The following ST6GALNAC1 variants were observed in gnomAD, a reference collection of about 807,000 sequenced individuals.
The protein encoded by ST6GALNAC1 is alpha-N-acetylgalactosaminide alpha-2,6-sialyltransferase 1.
In ST6GALNAC1, 45 loss-of-function variants were observed where a neutral mutation model predicts 56.8. The ratio of observed to expected loss-of-function variants is 0.79; its 90% confidence interval spans 0.62 to 1.02. The LOEUF (loss-of-function observed/expected upper bound fraction) is 1.02. ST6GALNAC1 is among the 50% of genes least tolerant of loss of function. ST6GALNAC1 has a pLI of 0.00. For synonymous variants in ST6GALNAC1, 295 were observed against 297.8 expected (o/e 0.99, Z 0.10); for missense variants, 743 against 754.8 (o/e 0.98, Z 0.18).
chr17:76,628,772 G>A (rs1034063150), intron 2 of ST6GALNAC1, among the ~76,000 whole-genome samples: 1 of 152,150 alleles, frequency 6.6e-6, no homozygotes, highest in African/African-American at 2.4e-5. Context: ...CCCCTCTTAC[G>A]CTGTCCACAC....
intron 1 of ST6GALNAC1, among the ~76,000 whole-genome samples, chr17:76,631,065 C>CTGTGTGTGTG (rs34663902): frequency 6.8e-6 from 1 of 146,804 alleles, no homozygotes; most frequent in Non-Finnish European, 1.5e-5. Context: ...CAGCTAATCT[C>CTGTGTGTGTG]TGTGTGTGTG....
the ST6GALNAC1 span, among the ~76,000 whole-genome samples, chr17:76,617,847 A>G: frequency 6.6e-6 from 1 of 152,182 alleles, no homozygotes; most frequent in Admixed American, 6.5e-5. Context: ...GGCCCTCAAA[A>G]TTGACTCAAG....
intron 4 of ST6GALNAC1, 119 bp downstream of exon 4, chr17:76,626,948 A>T: frequency 2.7e-6 from 4 of 1,454,562 alleles, no homozygotes; most frequent in Non-Finnish European, 3.7e-6. Flanking sequence ...GGCGTGGAAC[A>T]TCCTATGGGT....
downstream of ST6GALNAC1, among the ~76,000 whole-genome samples, chr17:76,623,982 GA>G (rs1352248156): frequency 6.6e-6 from 1 of 152,216 alleles, no homozygotes. Context: ...CTTTGTGGGG[GA>G]AAAGCATTTA....
intron 1 of ST6GALNAC1, among the ~76,000 whole-genome samples, chr17:76,635,815 T>G (rs959647463): frequency 6.6e-6 from 1 of 152,204 alleles, no homozygotes; most frequent in African/African-American, 2.4e-5. Flanking sequence ...CAATGGTCAC[T>G]GGTTTTAAGA....
chr17:76,629,852 A>T, intron 1 of ST6GALNAC1, 141 bp from the exon 2 acceptor site: 2 of 633,862 alleles, frequency 3.2e-6, no homozygotes, highest in East Asian at 2.8e-5. Context: ...GTACGATTTC[A>T]GCTCACTGCA....
intron 4 of ST6GALNAC1, 52 bp from the exon 5 acceptor site, chr17:76,626,841 T>G: frequency 6.2e-7 from 1 of 1,602,000 alleles, no homozygotes; most frequent in Non-Finnish European, 8.5e-7. Context: ...GAGGGAGATT[T>G]GTGTAGGTGG....
downstream of ST6GALNAC1, among the ~76,000 whole-genome samples, chr17:76,624,411 G>A (rs1340352591): frequency 3.3e-5 from 5 of 151,960 alleles, no homozygotes; most frequent in East Asian, 3.9e-4. Context: ...CACCACGCCC[G>A]GCTTACTTTT....
intron 1 of ST6GALNAC1, among the ~76,000 whole-genome samples, chr17:76,641,559 C>T (rs1482303598): frequency 6.6e-6 from 1 of 152,166 alleles, no homozygotes; most frequent in Non-Finnish European, 1.5e-5. Context: ...GAAACACTTT[C>T]ACCTATCTGA....
Position 76,627,539 on chromosome 17 carries a change from C to A in ST6GALNAC1, c.876G>T (p.Trp292Cys). Residue 292 changes from tryptophan (W) to cysteine (C), a missense_variant, in exon 3 of 9, where the codon TGG (tryptophan) becomes TGT (cysteine). Transcript: ENST00000156626. The surrounding 1 kb of genome is among the most constrained non-coding windows in gnomAD (Gnocchi z 4.4). Reference sequence around the variant, plus strand: ...GGTTGGGCAGAAAGAGTTTCTGGAGCCACAGCGACTTGGAGGCTTTGATCT... The same window carrying A: ...GGTTGGGCAGAAAGAGTTTCTGGAGACACAGCGACTTGGAGGCTTTGATCT... ...SVKIKASKSL[W>C]LQKLFLPNLT... 6.2e-7 allele frequency: 1 copy of A among 1,614,144 alleles called. No individual in the cohort carries two copies. The highest frequency in any genetic ancestry group is 8.5e-7 in the Non-Finnish European group (1 of 1,180,022).
chr17:76,622,831 T>G (rs756132623), downstream of ST6GALNAC1, among the ~76,000 whole-genome samples: 6 of 149,266 alleles, frequency 4.0e-5, no homozygotes, highest in Non-Finnish European at 8.9e-5. Context: ...TCTTGCTCTA[T>G]CGCCCAGGCT....
Position 76,635,482 on chromosome 17 carries a change from A to G in ST6GALNAC1, c.132-5771T>C, listed in dbSNP as rs975266351. Among the ~76,000 whole-genome samples the G allele has an allele frequency of 2.0e-5, 3 of 152,112 alleles. No homozygotes were observed. In the South Asian group the frequency reaches 6.2e-4, roughly 31 times the overall value. ...TGGCGAAACCCTGTCTCTACTAAAA[A>G]TACAAACGGCTGGGTGTGGTGGTGC... On this transcript the variant is annotated intron_variant, in intron 1 of 8. Coordinates refer to ENST00000156626, the MANE Select transcript of ST6GALNAC1 (RefSeq NM_018414.5).
Position 76,625,731 on chromosome 17 carries a change from G to A in ST6GALNAC1, c.1605+88C>T, listed in dbSNP as rs556241177. The stretch of plus-strand genomic sequence containing the variant: ...CTTTCCCAGCAGATGTGGGCACCCA[G>A]CCCATGCACTGTCCTATGCTGAACA... On this transcript the variant is annotated intron_variant, in intron 8 of 8. Transcript: ENST00000156626. The A allele has an allele frequency of 6.4e-5, 81 of 1,264,672 alleles. No homozygotes were observed. In the African/African-American group the frequency reaches 1.0e-3, roughly 16 times the overall value. 78.3% of individuals were successfully genotyped at this position (1,264,672 alleles called of 1,614,324 possible).
rs2076079550 is a variant in ST6GALNAC1, at chr17:76,643,664, G to C, written c.-26C>G. ...GGTGGTGGGTCGGGTTCTAGAGGAA[G>C]GTTCTGCATGTCCTGGGGCCTTGAT... On this transcript the variant is annotated 5_prime_UTR_variant, in exon 1 of 9. Coordinates refer to ENST00000156626, the MANE Select transcript of ST6GALNAC1 (RefSeq NM_018414.5). 6.2e-7 allele frequency: 1 copy of C among 1,611,686 alleles called. No individual in the cohort carries two copies. The highest frequency in any genetic ancestry group is 8.5e-7 in the Non-Finnish European group (1 of 1,178,814).
chr17:76,622,361 T>TTTA (rs367647702), downstream of ST6GALNAC1, among the ~76,000 whole-genome samples: 5 of 149,200 alleles, frequency 3.4e-5, no homozygotes, highest in South Asian at 4.1e-4. Flanking sequence ...CATGCAACAT[T>TTTA]TTATTATTAT....
At chr17:76,641,784 G>A (rs1376512346) in intron 1 of ST6GALNAC1, 1 of 152,172 alleles carries the variant, frequency 6.6e-6, no homozygotes, top group Non-Finnish European at 1.5e-5. Context: ...CTTGATAGGG[G>A]TTGGTTAAGT....
In ST6GALNAC1 at chr17:76,626,144, G is replaced by A. The variant is rs763681599; in HGVS notation, c.1416-49C>T. On this transcript the variant is annotated intron_variant, in intron 6 of 8. Transcript: ENST00000156626. ...AGACTCAGCTCCCTTACCTGGTCTG[G>A]GGTGGGCCAAGTCAGGGTCATGAGC... is the stretch of plus-strand genomic sequence containing the variant. The A allele has an allele frequency of 6.3e-6, 10 of 1,595,468 alleles. No homozygotes were observed. The Admixed American group carries it at 1.5e-4, about 24-fold the overall frequency.
At chr17:76,636,618 T>C (rs2075976062) in intron 1 of ST6GALNAC1, among the ~76,000 whole-genome samples, 1 of 151,806 alleles carries the variant, frequency 6.6e-6, no homozygotes, top group African/African-American at 2.4e-5. Context: ...AAAAGAAAAG[T>C]CCTCCCGCCC....
chr17:76,627,027 G>A lies in ST6GALNAC1; in HGVS notation c.1172+40C>T. ...GCTGGAGGGGGGCTGGAGGGGGCAGGAGAGGGGCTGGAGAGGGAGCTTGGG... is the reference window on the plus strand; with the variant it reads ...GCTGGAGGGGGGCTGGAGGGGGCAGAAGAGGGGCTGGAGAGGGAGCTTGGG... On this transcript the variant is annotated intron_variant, in intron 4 of 8. Coordinates refer to ENST00000156626, the MANE Select transcript of ST6GALNAC1 (RefSeq NM_018414.5). This position sits in a 1 kb window ranked among gnomAD's most constrained non-coding sequence, Gnocchi z 4.4. The A allele has an allele frequency of 6.5e-7, 1 of 1,527,462 alleles. No homozygotes were observed. The highest frequency in any genetic ancestry group is 2.0e-4 in the Middle Eastern group (1 of 5,082). The allele number at this position is 1,527,462 out of a possible 1,614,324, so 94.6% of individuals were successfully genotyped here.
Sources: gnomAD v4.1 joint callset for allele counts (sites outside exome capture counted in the v4.1 genomes callset) on GRCh38, gnomAD v4.1.1 for gene constraint, Gnocchi (gnomAD v3.1) non-coding constraint, MANE v1.5 for transcripts, NCBI Gene and HGNC (gene_info 2026-07-23, HGNC 2026-07-21) for gene names.